Variants in CLIC5 observed in about 807,000 individuals in gnomAD.
The protein encoded by CLIC5 is chloride intracellular channel protein 5.
A neutral mutation model predicts 24.7 loss-of-function variants in CLIC5; 20 were observed. That is an observed-to-expected ratio of 0.81 (90% CI 0.57 to 1.18). The LOEUF is 1.18. CLIC5 is among the 50% of genes most tolerant of loss of function. The probability of loss-of-function intolerance (pLI) is 0.00; values close to 1 mark genes in which losing one functional copy is unlikely to be tolerated. For missense variants in CLIC5, 341 were observed against 326.1 expected (o/e 1.05, Z -0.35); for synonymous variants, 159 against 135.6 (o/e 1.17, Z -1.20).
chr6:45,911,327 C>T (rs9367228), intron 5 of CLIC5, among the ~76,000 whole-genome samples: 51,545 of 152,040 alleles, frequency 0.34, 9,019 homozygotes, highest in East Asian at 0.46. Flanking sequence ...GCTTAGGTAA[C>T]TACAAGCAAG....
upstream of CLIC5, among the ~76,000 whole-genome samples, chr6:46,019,529 A>C (rs1205901105): frequency 6.6e-6 from 1 of 151,120 alleles, no homozygotes; most frequent in Non-Finnish European, 1.5e-5. Flanking sequence ...TACTAAAAAT[A>C]CAAAAAATTA....
At chr6:46,031,702 G>A (rs1179958320) in intron 1 of CLIC5, among the ~76,000 whole-genome samples, 5 of 151,476 alleles carry the variant, frequency 3.3e-5, no homozygotes, top group Non-Finnish European at 2.9e-5. Context: ...TTTAGTAGGA[G>A]ATCAATGGGG....
At chr6:46,059,375 T>C (rs1010648879) in intron 1 of CLIC5, among the ~76,000 whole-genome samples, 2 of 152,240 alleles carry the variant, frequency 1.3e-5, no homozygotes, top group Admixed American at 6.5e-5. Context: ...ATTCCTATTA[T>C]TTGCTTTAAT....
At chr6:45,880,974 G>T (rs931156145), downstream of CLIC5, 2 of 393,790 alleles carry the variant, frequency 5.1e-6, no homozygotes, top group Middle Eastern at 6.3e-4. Flanking sequence ...TAGAGGGAAT[G>T]GGGGGACGGG....
intron 1 of CLIC5, among the ~76,000 whole-genome samples, chr6:46,035,056 C>T (rs1032812245): frequency 6.6e-6 from 1 of 152,120 alleles, no homozygotes; most frequent in Non-Finnish European, 1.5e-5. Flanking sequence ...AAAGTTTTAC[C>T]CATATTATCT....
chr6:45,956,014 C>A (rs1764629944), intron 1 of CLIC5, among the ~76,000 whole-genome samples: 1 of 152,226 alleles, frequency 6.6e-6, no homozygotes, highest in South Asian at 2.1e-4. Context: ...TGTAGGTGGG[C>A]TTGGGGATAA....
rs1408920676 is a variant in CLIC5 at position 46,079,902 on chromosome 6, GTTGA to G, written c.337_340del (p.Ser113ProfsTer17). 6.4e-7 allele frequency: 1 copy of G among 1,551,838 alleles called. No individual in the cohort carries two copies. Among genetic ancestry groups the G allele is most frequent in the East Asian group, 2.4e-5 (1 of 40,936 alleles). On this transcript the variant is annotated frameshift_variant, in exon 1 of 6. Coordinates refer to the CLIC5 transcript ENST00000185206. LOFTEE classifies it high-confidence loss of function. ...TGCTGCGCAGAGTTGCTGGTCCTGG[GTTGA>G]TGAATATAACCCTTCCATTGAGATG...
intron 1 of CLIC5, among the ~76,000 whole-genome samples, chr6:46,061,397 T>A (rs1762276482): frequency 6.6e-6 from 1 of 152,188 alleles, no homozygotes; most frequent in Non-Finnish European, 1.5e-5. Context: ...TTCACCATGT[T>A]GGCCAGGATG....
chr6:46,039,949 A>G (rs554744226), intron 1 of CLIC5, among the ~76,000 whole-genome samples: 12 of 152,332 alleles, frequency 7.9e-5, no homozygotes, highest in African/African-American at 2.6e-4. Flanking sequence ...TCAGACAATG[A>G]GCTTTGGAAT....
At chr6:45,909,671 T>A (rs758899083) in intron 5 of CLIC5, among the ~76,000 whole-genome samples, 3 of 152,240 alleles carry the variant, frequency 2.0e-5, no homozygotes, top group Non-Finnish European at 2.9e-5. Flanking sequence ...GTTCCATTTG[T>A]ATGTGTTCTG....
chr6:45,929,708 C>T (rs3777564), intron 4 of CLIC5, among the ~76,000 whole-genome samples: 34,870 of 152,158 alleles, frequency 0.23, 7,636 homozygotes, highest in African/African-American at 0.57. Flanking sequence ...AACAGCCCAC[C>T]GTGGGGCTCC....
chr6:46,082,967 A>G (rs938581271), upstream of CLIC5, among the ~76,000 whole-genome samples: 4 of 152,232 alleles, frequency 2.6e-5, no homozygotes, highest in Non-Finnish European at 5.9e-5. Context: ...TACCTAGAAC[A>G]GTGTCTGGTA....
chr6:45,922,823 A>AAGAG lies in CLIC5; in HGVS notation c.407-8418_407-8415dup, dbSNP rs547902327. On this transcript the variant is annotated intron_variant, in intron 4 of 5. Coordinates refer to ENST00000339561, the MANE Select transcript of CLIC5 (RefSeq NM_016929.5). ...GAAGGGAGGAAGAGAGAGAGAGAGA[A>AAGAG]AGAGAGAGAGATAGAGAGAGAGAGA... Among the ~76,000 whole-genome samples the AAGAG allele has an allele frequency of 6.3e-3, 884 of 140,698 alleles. 18 individuals are homozygous for AAGAG. The highest frequency in any genetic ancestry group is 0.026 in the East Asian group (122 of 4,720). 92.3% of individuals were successfully genotyped at this position (140,698 alleles called of 152,430 possible).
chr6:46,035,873 T>A (rs1041562201), intron 1 of CLIC5, among the ~76,000 whole-genome samples: 5 of 152,168 alleles, frequency 3.3e-5, no homozygotes, highest in Admixed American at 6.5e-5. Flanking sequence ...GCCTCCCAAG[T>A]AGCTGGGACT....
At chr6:45,938,828 T>G (rs1196782544) in intron 4 of CLIC5, among the ~76,000 whole-genome samples, 1 of 152,198 alleles carries the variant, frequency 6.6e-6, no homozygotes, top group Non-Finnish European at 1.5e-5. Flanking sequence ...TATTTGTGGC[T>G]AAGAGGAAAG....
At chr6:46,065,058 G>A (rs1041096091) in intron 1 of CLIC5, among the ~76,000 whole-genome samples, 35 of 152,068 alleles carry the variant, frequency 2.3e-4, no homozygotes, top group Non-Finnish European at 3.7e-4. Context: ...TATATAAAGA[G>A]GTTTTAAAAT....
the CLIC5 span, among the ~76,000 whole-genome samples, chr6:46,121,469 A>G: frequency 4.6e-5 from 7 of 152,200 alleles, no homozygotes; most frequent in Non-Finnish European, 1.0e-4. Flanking sequence ...ACCAGCCACT[A>G]CAAAAACATG....
At chr6:46,125,339 C>T in the CLIC5 span, among the ~76,000 whole-genome samples, 1 of 152,252 alleles carries the variant, frequency 6.6e-6, no homozygotes. Context: ...AAAAACCAAA[C>T]ACCGCATGTT....
intron 4 of CLIC5, chr6:45,932,660 C>A (rs1763784055): frequency 6.6e-6 from 1 of 152,232 alleles, no homozygotes; most frequent in South Asian, 2.1e-4. Flanking sequence ...GGGACACAAA[C>A]CATGAAAACC....
Sources: allele counts gnomAD v4.1 joint callset (sites outside exome capture counted in the v4.1 genomes callset), GRCh38; gene constraint gnomAD v4.1.1; transcripts MANE v1.5; gene names NCBI Gene and HGNC (gene_info 2026-07-23, HGNC 2026-07-21).